PLCB1: variants seen among roughly 807,000 people sequenced by gnomAD.
The protein encoded by PLCB1 is phospholipase C beta 1, also known as 1-phosphatidylinositol 4,5-bisphosphate phosphodiesterase beta-1.
A neutral mutation model predicts 161.8 loss-of-function variants in PLCB1; 46 were observed. The ratio of observed to expected loss-of-function variants is 0.28; its 90% CI spans 0.22 to 0.36. PLCB1 has a LOEUF of 0.36. Ranked by LOEUF, PLCB1 falls within the 10% of genes least tolerant of loss-of-function variation. The pLI is 1.00. For synonymous variants in PLCB1, 517 were observed against 503.7 expected (o/e 1.03, Z -0.35); for missense variants, 1,016 against 1,472.5 (o/e 0.69, Z 5.07).
chr20:8,230,144 C>T (rs981687546), intron 2 of PLCB1, among the ~76,000 whole-genome samples: 1 of 147,160 alleles, frequency 6.8e-6, no homozygotes, highest in African/African-American at 2.5e-5. Context: ...ATGTGCAATT[C>T]AATAAGTTTC....
intron 2 of PLCB1, among the ~76,000 whole-genome samples, chr20:8,343,156 C>A (rs894395019): frequency 6.6e-6 from 1 of 152,158 alleles, no homozygotes; most frequent in African/African-American, 2.4e-5. Context: ...ATGTGGGGCT[C>A]TAGGTAAAAT....
intron 3 of PLCB1, 112 bp from the exon 4 acceptor site, chr20:8,628,182 G>C: frequency 1.2e-6 from 1 of 864,842 alleles, no homozygotes; most frequent in Non-Finnish European, 1.8e-6. Context: ...TTTCTAGTAA[G>C]AATAAAAGCA....
chr20:8,480,075 C>T (rs1380815903), intron 3 of PLCB1, among the ~76,000 whole-genome samples: 4 of 152,164 alleles, frequency 2.6e-5, no homozygotes, highest in Non-Finnish European at 5.9e-5. Context: ...GGAGACTTCT[C>T]CATCTCTAGG....
rs1208317458 is a variant in PLCB1, at chr20:8,435,290, C to T, written c.246+63840C>T. 2.6e-5 allele frequency among the ~76,000 whole-genome samples: 4 copies of T among 152,288 alleles called. No homozygotes were observed. The East Asian group carries it at 7.7e-4, about 29-fold the overall frequency. On this transcript the variant is annotated intron_variant, in intron 3 of 31. Coordinates refer to ENST00000338037, the MANE Select transcript of PLCB1 (RefSeq NM_015192.4). ...CCTTCAGAATCCCATCCGTTGGTGT[C>T]CATGCCCTGCCCATTAAGTGTGGGC...
At chr20:8,563,466 A>G (rs575645533) in intron 3 of PLCB1, among the ~76,000 whole-genome samples, 12 of 152,128 alleles carry the variant, frequency 7.9e-5, no homozygotes, top group African/African-American at 1.4e-4. Flanking sequence ...CCAGGAGGTG[A>G]AGGCTGGCTG....
chr20:8,626,485 G>A (rs796719181), intron 3 of PLCB1, among the ~76,000 whole-genome samples: 61 of 152,190 alleles, frequency 4.0e-4, no homozygotes, highest in African/African-American at 1.4e-3. Flanking sequence ...ATTTTGAATG[G>A]ACATGAGAAT....
chr20:8,518,677 C>CAGGG (rs1298406747), intron 3 of PLCB1, among the ~76,000 whole-genome samples: 1 of 152,010 alleles, frequency 6.6e-6, no homozygotes, highest in Non-Finnish European at 1.5e-5. Context: ...TTCCATGGAC[C>CAGGG]AGGGCAGCAG....
chr20:8,156,956 G>A (rs1335490609), intron 2 of PLCB1, among the ~76,000 whole-genome samples: 2 of 152,128 alleles, frequency 1.3e-5, no homozygotes, highest in Admixed American at 6.5e-5. Flanking sequence ...AAAACCAAGT[G>A]ACCATTTATT....
rs1406369326 is a variant in PLCB1, at chr20:8,881,874, T to C, written c.*25T>C. On this transcript the variant is annotated 3_prime_UTR_variant, in exon 32 of 32. Transcript: ENST00000338037. ...AATGCTCCTGCCAGGCCTTCAGAAA[T>C]TGCATGGCCACTCCAGCGTCATCGG... 3 of 1,449,340 alleles carry C rather than the reference T, an allele frequency of 2.1e-6. No homozygotes were observed. The African/African-American group carries it at 4.2e-5, about 20-fold the overall frequency. 89.8% of individuals were successfully genotyped at this position (1,449,340 alleles called of 1,614,324 possible).
chr20:8,821,159 A>C (rs906740676), intron 31 of PLCB1, among the ~76,000 whole-genome samples: 3 of 151,956 alleles, frequency 2.0e-5, no homozygotes. Flanking sequence ...TCTTGAGTAG[A>C]GGTAAAAGAA....
chr20:8,245,596 A>G (rs143073243), intron 2 of PLCB1, among the ~76,000 whole-genome samples: 1 of 152,020 alleles, frequency 6.6e-6, no homozygotes, highest in Non-Finnish European at 1.5e-5. Flanking sequence ...AGAAACAGCA[A>G]TCAGAGTTTG....
At chr20:8,262,322 C>T (rs1020635632) in intron 2 of PLCB1, among the ~76,000 whole-genome samples, 2 of 152,002 alleles carry the variant, frequency 1.3e-5, no homozygotes, top group Non-Finnish European at 2.9e-5. Context: ...AACTCCTGAC[C>T]TCAGGTGATC....
At chr20:8,742,108 A>G (rs1001402792) in intron 23 of PLCB1, among the ~76,000 whole-genome samples, 1 of 152,176 alleles carries the variant, frequency 6.6e-6, no homozygotes, top group African/African-American at 2.4e-5. Flanking sequence ...TCCAAATTAG[A>G]TGTCACAATG....
chr20:8,276,974 CTTCTTCTTCTTCTTATTATTATTA>C (rs1224052436), intron 2 of PLCB1, among the ~76,000 whole-genome samples: 2 of 100,952 alleles, frequency 2.0e-5, no homozygotes, highest in African/African-American at 7.4e-5. Context: ...TCTTCTTCTT[CTTCTTCTTCTTCTTATTATTATTA>C]TTATTATTAT....
At chr20:8,476,785 T>G (rs1335041341) in intron 3 of PLCB1, among the ~76,000 whole-genome samples, 1 of 152,144 alleles carries the variant, frequency 6.6e-6, no homozygotes, top group Non-Finnish European at 1.5e-5. Flanking sequence ...TTATCTTCAC[T>G]TGTATTAGGA....
chr20:8,208,604 A>G (rs1978654034), intron 2 of PLCB1, among the ~76,000 whole-genome samples: 1 of 94 alleles, frequency 0.011, no homozygotes, highest in South Asian at 0.5. Flanking sequence ...AGCTATGTTT[A>G]GTATCATGGC....
intron 7 of PLCB1, among the ~76,000 whole-genome samples, chr20:8,653,728 G>T (rs1989379109): frequency 6.6e-6 from 1 of 151,758 alleles, no homozygotes; most frequent in African/African-American, 2.4e-5. Flanking sequence ...ATATAACGAA[G>T]AAAATGCAGA....
At chr20:8,428,902 G>A (rs1979909699) in intron 3 of PLCB1, among the ~76,000 whole-genome samples, 1 of 152,180 alleles carries the variant, frequency 6.6e-6, no homozygotes, top group Non-Finnish European at 1.5e-5. Context: ...AGGGGAAAAT[G>A]TTTGAATGCT....
chr20:8,355,828 ATGGTTT>A (rs1182468186), intron 2 of PLCB1, among the ~76,000 whole-genome samples: 1 of 152,190 alleles, frequency 6.6e-6, no homozygotes, highest in Non-Finnish European at 1.5e-5. Context: ...TGCACCTTAA[ATGGTTT>A]AATAATAATT....
Sources: allele counts gnomAD v4.1 joint callset (sites outside exome capture counted in the v4.1 genomes callset), GRCh38; gene constraint gnomAD v4.1.1; transcripts MANE v1.5; gene names NCBI Gene and HGNC (gene_info 2026-07-23, HGNC 2026-07-21).